Variants in LILRB3 observed in about 807,000 individuals in gnomAD.
The protein encoded by LILRB3 is leukocyte immunoglobulin-like receptor subfamily B member 3.
LILRB3 carries 32 observed loss-of-function variants against 68.2 expected under a neutral mutation model. That is an observed-to-expected ratio of 0.47 (90% CI 0.35 to 0.63). The LOEUF is 0.63. LILRB3 is among the 30% of genes least tolerant of loss of function. The pLI is 0.00. For missense variants in LILRB3, 502 were observed against 791.3 expected, an observed-to-expected ratio of 0.63 and a Z score of 4.39; for synonymous variants, 185 against 323.1, an observed-to-expected ratio of 0.57 and a Z score of 4.58.
rs967233548 is a variant in LILRB3, at chr19:54,216,531, C to T, written c.*562G>A. The T allele has an allele frequency of 6.6e-5, 42 of 637,786 alleles. 1 individual carries two copies. The highest frequency in any genetic ancestry group is 5.7e-5 in the Non-Finnish European group (29 of 510,896). 39.5% of individuals were successfully genotyped at this position (637,786 alleles called of 1,614,324 possible). A position where few individuals can be genotyped will look rare whatever the true frequency, so the allele number is the denominator to read the frequency against. On this transcript the variant is annotated 3_prime_UTR_variant, in exon 13 of 13. Transcript: ENST00000445347. ...TTCACCGTGTTAGCCAGGATGGTCT[C>T]GATCTCCTGACCTCATGATCCGCCC...
Position 54,219,761 on chromosome 19 carries a change from G to A in LILRB3, c.1309+394C>T, listed in dbSNP as rs62133095. 6.5e-4 allele frequency: 967 copies of A among 1,480,096 alleles called. 11 individuals carry two copies. The African/African-American group carries it at 0.012, about 19-fold the overall frequency. 91.7% of individuals were successfully genotyped at this position (1,480,096 alleles called of 1,614,324 possible). On this transcript the variant is annotated intron_variant, in intron 7 of 12. Transcript: ENST00000445347. ...TGGAGAAACTGAGGCCCAGGCAGGG[G>A]AGGGGCCTGTCCACATCACCACCTC...
chr19:54,220,689 AG>A lies in LILRB3; in HGVS notation c.1096del (p.Leu366CysfsTer3). 6.5e-7 allele frequency: 1 copy of A among 1,540,932 alleles called. No individual in the cohort carries two copies. The highest frequency in any genetic ancestry group is 8.8e-7 in the Non-Finnish European group (1 of 1,141,418). ...AGCTCCGTACATTGATCTCAGACGC[AG>A]TGGGGGATGGGCTGCCCCTTCTTTG... On this transcript the variant is annotated frameshift_variant, in exon 6 of 13. Transcript: ENST00000445347. LOFTEE classifies it high-confidence loss of function.
chr19:54,222,176 A>C (rs2078254785), intron 3 of LILRB3, 46 bp from the exon 4 acceptor site: 1 of 1,610,370 alleles, frequency 6.2e-7, no homozygotes, highest in Non-Finnish European at 8.5e-7. Context: ...CCCACCTCCC[A>C]CATCATCCCC....
exon 8 of LILRB3, chr19:54,219,226 C>T (rs1171034190): frequency 6.3e-7 from 1 of 1,586,028 alleles, no homozygotes; most frequent in South Asian, 1.1e-5. Flanking sequence ...CAATCAAAAC[C>T]TCCAGGTATC....
At position 54,219,113 on chromosome 19, in the gene LILRB3, C is replaced by G. The variant is rs370425026; in HGVS notation, c.1426+16G>C. 157 of 1,577,020 alleles carry G rather than the reference C, an allele frequency of 1.0e-4. 1 individual carries two copies. The Middle Eastern group carries it at 1.9e-3, about 19-fold the overall frequency. On this transcript the variant is annotated intron_variant, in intron 8 of 12. Coordinates refer to ENST00000445347, the Ensembl canonical transcript of LILRB3. ...CACCCTCGGTCGACCCATGGGTCCCCCGCTTCCCTACTCACCAGATGTCCT... is the reference window on the plus strand; with the variant it reads ...CACCCTCGGTCGACCCATGGGTCCCGCGCTTCCCTACTCACCAGATGTCCT...
rs77279742 is a variant in LILRB3, at chr19:54,222,369, C to T, written c.264G>A (p.Met88Ile). ...GGTATCTCCCTGCATGGTGCTGTGT[C>T]ATGGATGGGATGGAGAATCTGGCCT... The change falls in exon 3 of 13, where the codon ATG becomes ATA. Residue 88 changes from methionine (M) to isoleucine (I), a missense_variant. This residue lies in a region of LILRB3 where 97 missense variants were observed against 180.4 expected (regional missense o/e 0.54). Coordinates refer to ENST00000445347, the Ensembl canonical transcript of LILRB3. 46 of 1,606,424 alleles carry T rather than the reference C, an allele frequency of 2.9e-5. 1 individual carries two copies. In the East Asian group the frequency reaches 1.0e-3, roughly 35 times the overall value.
intron 8 of LILRB3, 42 bp downstream of exon 8, chr19:54,219,087 C>A (rs560307493): frequency 6.4e-7 from 1 of 1,551,896 alleles, no homozygotes; most frequent in East Asian, 2.3e-5. Flanking sequence ...TGCCCTGAGC[C>A]CACCCTCGGT....
chr19:54,222,473 C>G, exon 3 of LILRB3: 1 of 1,606,688 alleles, frequency 6.2e-7, no homozygotes, highest in South Asian at 1.1e-5. Flanking sequence ...TCCTGGGCCT[C>G]CAGGCTCCCC....
At chr19:54,222,966 G>A (rs2078359609) in exon 1 of LILRB3, 1 of 1,612,624 alleles carries the variant, frequency 6.2e-7, no homozygotes, top group Non-Finnish European at 8.5e-7. Context: ...GGCTGTGAGG[G>A]CGGGCGTCAT....
At chr19:54,222,422 T>C (rs2078285080) in exon 3 of LILRB3, 2 of 1,608,502 alleles carry the variant, frequency 1.2e-6, no homozygotes, top group Non-Finnish European at 1.7e-6. Flanking sequence ...GGGTTATTTC[T>C]GTCCCAGGGC....
chr19:54,220,026 C>G, intron 7 of LILRB3, 129 bp downstream of exon 7: 1 of 1,116,280 alleles, frequency 9.0e-7, no homozygotes, highest in South Asian at 1.5e-5. Flanking sequence ...CGACCCCCGC[C>G]CCTCACCAGC....
exon 13 of LILRB3, chr19:54,216,683 T>C (rs1224294120): frequency 9.4e-7 from 1 of 1,060,930 alleles, no homozygotes; most frequent in Admixed American, 4.9e-5. Flanking sequence ...GTTTAAAACA[T>C]TCACTGTTTT....
intron 7 of LILRB3, 80 bp downstream of exon 7, chr19:54,220,075 G>A: frequency 6.8e-7 from 1 of 1,477,744 alleles, no homozygotes; most frequent in Non-Finnish European, 9.1e-7. Context: ...CCGTCCTTGA[G>A]GGGAGGGGAG....
At chr19:54,217,562 G>A (rs926412528) in intron 11 of LILRB3, 88 bp from the exon 12 acceptor site, 8 of 1,465,838 alleles carry the variant, frequency 5.5e-6, no homozygotes, top group Non-Finnish European at 6.5e-6. Context: ...GGGGTGATCC[G>A]ATTACATCCC....
At chr19:54,216,470 C>T (rs527751310) in exon 13 of LILRB3, 22 of 259,638 alleles carry the variant, frequency 8.5e-5, no homozygotes, top group African/African-American at 3.7e-4. Context: ...CCACCACGCC[C>T]GGCTAATTTT....
Position 54,218,739 on chromosome 19 carries a change from C to G in LILRB3, c.1502+24G>C, listed in dbSNP as rs752796001. The G allele has an allele frequency of 6.2e-6, 10 of 1,613,930 alleles. No homozygotes were observed. In the South Asian group the frequency reaches 8.8e-5, roughly 14 times the overall value. ...TGTATGGGCTGTGGTGGGTGGGAGT[C>G]TGTGGTCTTTGGGGCAGAATTACCT... On this transcript the variant is annotated intron_variant, in intron 9 of 12. Transcript: ENST00000445347.
At position 54,219,284 on chromosome 19, in the gene LILRB3, G is replaced by A. The variant is rs1402285609; in HGVS notation, c.1310-39C>T. 6 of 1,519,426 alleles carry A rather than the reference G, an allele frequency of 3.9e-6. No homozygotes were observed. The East Asian group carries it at 1.2e-4, about 31-fold the overall frequency. 94.1% of individuals were successfully genotyped at this position (1,519,426 alleles called of 1,614,324 possible). ...CGTCAGGAGTGGGAATGATGTCATT[G>A]ATGTGAGCACCTACTGTGTGCAGGC... is the stretch of plus-strand genomic sequence containing the variant. On this transcript the variant is annotated intron_variant, in intron 7 of 12. Coordinates refer to ENST00000445347, the Ensembl canonical transcript of LILRB3.
At chr19:54,216,857 G>A (rs2077511736) in exon 13 of LILRB3, 2 of 1,414,400 alleles carry the variant, frequency 1.4e-6, no homozygotes, top group African/African-American at 1.4e-5. Flanking sequence ...TTTGTTTTTT[G>A]TTTTTTTGTT....
chr19:54,219,869 C>G (rs255772), intron 7 of LILRB3: 236,913 of 1,549,118 alleles, frequency 0.15, 21,779 homozygotes, highest in African/African-American at 0.43. Flanking sequence ...CCTCACTCAC[C>G]ATTCTGAGGG....
Sources: gnomAD v4.1 joint callset for allele counts on GRCh38, gnomAD v4.1.1 for gene constraint, gnomAD v4.1.1 regional missense constraint, MANE v1.5 for transcripts, NCBI Gene and HGNC (gene_info 2026-07-23, HGNC 2026-07-21) for gene names.